The following TMEM117 variants were observed in gnomAD, a reference collection of about 807,000 sequenced individuals.
TMEM117 encodes transmembrane protein 117.
A neutral mutation model predicts 52.4 loss-of-function variants in TMEM117; 27 were observed. The observed-to-expected ratio is 0.51, with a 90% CI of 0.38 to 0.71. The LOEUF (loss-of-function observed/expected upper bound fraction) is 0.71. Among genes scored for constraint, TMEM117 ranks in the 30% least tolerant of loss-of-function variants. The probability of loss-of-function intolerance (pLI) is 0.00; values close to 1 mark genes in which losing one functional copy is unlikely to be tolerated. For synonymous variants in TMEM117, 215 were observed against 206.3 expected (o/e 1.04, Z -0.36); for missense variants, 556 against 630.5 (o/e 0.88, Z 1.26).
chr12:44,088,354 T>C (rs1443014214), intron 3 of TMEM117, among the ~76,000 whole-genome samples: 3 of 152,230 alleles, frequency 2.0e-5, no homozygotes, highest in African/African-American at 7.2e-5. Context: ...ATGACAGTAT[T>C]ATATAAGTTT....
chr12:43,795,869 G>C, the TMEM117 span: 2 of 994,194 alleles, frequency 2.0e-6, no homozygotes, highest in East Asian at 4.9e-5. Flanking sequence ...GCAGAATCAA[G>C]GACCATATGT....
the TMEM117 span, chr12:43,800,457 T>C: frequency 6.2e-7 from 1 of 1,613,316 alleles, no homozygotes; most frequent in African/African-American, 1.3e-5. Flanking sequence ...AAATACTTCA[T>C]CTTTAATGTG....
chr12:43,802,011 C>CA, the TMEM117 span, among the ~76,000 whole-genome samples: 1 of 152,144 alleles, frequency 6.6e-6, no homozygotes, highest in Admixed American at 6.5e-5. Context: ...GTCTGGGTGA[C>CA]AGAGTGAGAT....
rs762276605 is a variant in TMEM117, at chr12:43,844,632, C to T, written c.-20C>T. 1.7e-5 allele frequency: 27 copies of T among 1,606,598 alleles called. No homozygotes were observed. The highest frequency in any genetic ancestry group is 1.4e-4 in the Admixed American group (8 of 58,780). ...TATCTTTTCTTATACAGGTAAACTA[C>T]GAACTGGGAGTTCTGAAGAATGGGT... On this transcript the variant is annotated 5_prime_UTR_variant, in exon 2 of 8. It adds an upstream start codon to the 5' untranslated region. Coordinates refer to ENST00000266534, the MANE Select transcript of TMEM117 (RefSeq NM_032256.3).
At chr12:43,805,770 G>C in the TMEM117 span, 8 of 1,345,348 alleles carry the variant, frequency 5.9e-6, no homozygotes, top group Non-Finnish European at 6.9e-6. Flanking sequence ...TTCTGGCATG[G>C]TTCTTTTTGT....
intron 4 of TMEM117, among the ~76,000 whole-genome samples, chr12:44,172,427 T>C (rs1949059303): frequency 6.6e-6 from 1 of 152,214 alleles, no homozygotes; most frequent in South Asian, 2.1e-4. Context: ...TTCATTCACA[T>C]GGCTTTCTTC....
chr12:44,212,018 T>C (rs1949652216), intron 5 of TMEM117, among the ~76,000 whole-genome samples: 1 of 152,234 alleles, frequency 6.6e-6, no homozygotes, highest in Non-Finnish European at 1.5e-5. Context: ...TTCTGTGTGA[T>C]ATAATATACA....
chr12:43,855,547 A>T (rs1943386132), intron 2 of TMEM117, among the ~76,000 whole-genome samples: 1 of 152,196 alleles, frequency 6.6e-6, no homozygotes, highest in African/African-American at 2.4e-5. Context: ...TCTTGTGTTT[A>T]TATTATGCAA....
chr12:44,316,505 C>T (rs1271380409), intron 6 of TMEM117, among the ~76,000 whole-genome samples: 1 of 152,064 alleles, frequency 6.6e-6, no homozygotes, highest in African/African-American at 2.4e-5. Context: ...CTCTAGCTGC[C>T]TTTAAGATTT....
intron 6 of TMEM117, among the ~76,000 whole-genome samples, chr12:44,374,239 A>C (rs1951906830): frequency 6.6e-6 from 1 of 152,306 alleles, no homozygotes; most frequent in Admixed American, 6.5e-5. Flanking sequence ...TTGAAATGTA[A>C]AAATCAGAGT....
At chr12:43,993,020 T>C (rs1334351724) in intron 3 of TMEM117, among the ~76,000 whole-genome samples, 2 of 152,168 alleles carry the variant, frequency 1.3e-5, no homozygotes, top group Non-Finnish European at 2.9e-5. Context: ...AAATGTTCAG[T>C]AGTTCAGACA....
At chr12:43,927,596 T>G (rs1198230736) in intron 2 of TMEM117, among the ~76,000 whole-genome samples, 1 of 151,894 alleles carries the variant, frequency 6.6e-6, no homozygotes, top group Non-Finnish European at 1.5e-5. Context: ...ATATAATCTA[T>G]CTCATTGATC....
At chr12:43,976,476 G>T (rs1259992518) in intron 3 of TMEM117, among the ~76,000 whole-genome samples, 2 of 152,122 alleles carry the variant, frequency 1.3e-5, no homozygotes, top group Non-Finnish European at 2.9e-5. Context: ...CACAATTTGT[G>T]GGTAATAAAC....
chr12:44,135,095 T>C (rs1050742310), intron 3 of TMEM117, among the ~76,000 whole-genome samples: 2 of 152,208 alleles, frequency 1.3e-5, no homozygotes, highest in Non-Finnish European at 2.9e-5. Flanking sequence ...GATAAAACTG[T>C]GGTCTCCAAC....
intron 3 of TMEM117, among the ~76,000 whole-genome samples, chr12:43,986,722 A>G (rs1393829846): frequency 6.6e-6 from 1 of 152,098 alleles, no homozygotes; most frequent in African/African-American, 2.4e-5. Flanking sequence ...CATAAATTGA[A>G]CCATCTCATC....
intron 5 of TMEM117, among the ~76,000 whole-genome samples, chr12:44,255,802 G>T (rs906695818): frequency 1.3e-5 from 2 of 151,932 alleles, no homozygotes; most frequent in Admixed American, 1.3e-4. Context: ...TTCATTTTCC[G>T]CTATACCCTT....
the TMEM117 span, chr12:43,806,385 G>T: frequency 2.5e-6 from 3 of 1,204,690 alleles, no homozygotes; most frequent in South Asian, 1.1e-4. Context: ...CCGTGAGGTT[G>T]ACTGAGTGCC....
At chr12:44,358,295 G>C (rs1228112988) in intron 6 of TMEM117, among the ~76,000 whole-genome samples, 1 of 151,744 alleles carries the variant, frequency 6.6e-6, no homozygotes, top group Non-Finnish European at 1.5e-5. Flanking sequence ...TAATGAACCT[G>C]TATATATAAC....
chr12:44,074,238 G>A (rs913890687), intron 3 of TMEM117, among the ~76,000 whole-genome samples: 7 of 152,198 alleles, frequency 4.6e-5, no homozygotes, highest in African/African-American at 1.2e-4. Context: ...CATCCAAAAC[G>A]GGACACTTCT....
Sources: gnomAD v4.1 joint callset for allele counts (sites outside exome capture counted in the v4.1 genomes callset) on GRCh38, gnomAD v4.1.1 for gene constraint, MANE v1.5 for transcripts, NCBI Gene and HGNC (gene_info 2026-07-23, HGNC 2026-07-21) for gene names.